The following CWH43 variants were observed in gnomAD, a reference collection of about 807,000 sequenced individuals.
CWH43 encodes cell wall biogenesis 43 C-terminal homolog, also known as PGAP2-interacting protein.
In CWH43, 91 loss-of-function variants were observed where a neutral mutation model predicts 85.7. The ratio of observed to expected loss-of-function variants is 1.06; its 90% confidence interval spans 0.90 to 1.26. The LOEUF (loss-of-function observed/expected upper bound fraction) is 1.26. Among genes scored for constraint, CWH43 ranks in the 50% most tolerant of loss-of-function variants. The pLI, the probability that CWH43 is intolerant of heterozygous loss-of-function variation, is 0.00. For synonymous variants in CWH43, 323 were observed against 293.6 expected (o/e 1.10, Z -1.02); for missense variants, 869 against 839.2 (o/e 1.04, Z -0.44).
At chr4:49,056,195 T>C (rs1353017860) in intron 15 of CWH43, among the ~76,000 whole-genome samples, 1 of 151,460 alleles carries the variant, frequency 6.6e-6, no homozygotes, top group Non-Finnish European at 1.5e-5. Context: ...GATAGTTTAC[T>C]GAGAATGATG....
At chr4:49,037,182 C>T (rs1784287147) in intron 12 of CWH43, among the ~76,000 whole-genome samples, 1 of 152,108 alleles carries the variant, frequency 6.6e-6, no homozygotes, top group South Asian at 2.1e-4. Flanking sequence ...ATGTACCCAC[C>T]TAAGTATCTC....
chr4:48,993,537 G>A (rs1202250845), intron 4 of CWH43, among the ~76,000 whole-genome samples: 2 of 152,160 alleles, frequency 1.3e-5, no homozygotes, highest in African/African-American at 4.8e-5. Flanking sequence ...GGGTCACAAA[G>A]CATCTGCCCA....
intron 6 of CWH43, 48 bp from the exon 7 acceptor site, chr4:49,003,687 C>T (rs1783064244): frequency 6.2e-7 from 1 of 1,604,890 alleles, no homozygotes. Flanking sequence ...TGGTCATCCT[C>T]TAAGCTCGAC....
intron 14 of CWH43, among the ~76,000 whole-genome samples, chr4:49,049,961 G>T (rs1450491205): frequency 6.6e-6 from 1 of 152,156 alleles, no homozygotes. Context: ...TTCCATGAGG[G>T]CAAGGACTTC....
At chr4:49,056,244 C>T (rs1254043503) in intron 15 of CWH43, among the ~76,000 whole-genome samples, 4 of 152,060 alleles carry the variant, frequency 2.6e-5, no homozygotes, top group African/African-American at 4.8e-5. Flanking sequence ...AGGATATGAA[C>T]TCATCATTTT....
At chr4:49,005,320 T>C (rs1783120352) in intron 7 of CWH43, among the ~76,000 whole-genome samples, 1 of 152,124 alleles carries the variant, frequency 6.6e-6, no homozygotes, top group Non-Finnish European at 1.5e-5. Flanking sequence ...GGGTACATTG[T>C]ATCCATTAAT....
At chr4:48,993,766 G>C (rs1322520999) in intron 4 of CWH43, among the ~76,000 whole-genome samples, 2 of 152,026 alleles carry the variant, frequency 1.3e-5, no homozygotes, top group Non-Finnish European at 1.5e-5. Flanking sequence ...CTGTTTTCTT[G>C]TTTTTGAGAT....
intron 11 of CWH43, among the ~76,000 whole-genome samples, chr4:49,032,290 G>C (rs1373463138): frequency 6.6e-6 from 1 of 152,134 alleles, no homozygotes; most frequent in Non-Finnish European, 1.5e-5. Context: ...AAATACAATG[G>C]GTTTTTTGTA....
chr4:49,039,392 T>TATAC (rs1784381687), intron 13 of CWH43, among the ~76,000 whole-genome samples: 2 of 96,436 alleles, frequency 2.1e-5, no homozygotes, highest in African/African-American at 3.7e-5. Context: ...GATATATATA[T>TATAC]ACACACTGAT....
chr4:49,007,323 C>T lies in CWH43; in HGVS notation c.1183C>T (p.Leu395Phe). 1 of 1,588,644 alleles carries T rather than the reference C, an allele frequency of 6.3e-7. No homozygotes were observed. Among genetic ancestry groups the T allele is most frequent in the Non-Finnish European group, 8.5e-7 (1 of 1,170,746 alleles). ...CAGAAAGAGTGAAAAATACATGAAA[C>T]TTTGTAAGTATAGTTTTACATTCTT... ...LFRKSEKYMK[L>F]FLWLLVGVGL... The change falls in exon 8 of 16, where the codon CTT becomes TTT. Residue 395 changes from leucine to phenylalanine, a missense_variant. Leu to Phe is a conservative substitution (Grantham distance 22). This residue lies in a region of CWH43 where 577 missense variants were observed against 513.1 expected (regional missense o/e 1.12). Transcript: ENST00000226432.
At chr4:49,048,597 T>C (rs1184342980) in intron 14 of CWH43, among the ~76,000 whole-genome samples, 1 of 151,998 alleles carries the variant, frequency 6.6e-6, no homozygotes, top group Non-Finnish European at 1.5e-5. Context: ...TGCCGATAAC[T>C]GCCTTCTTGC....
At chr4:49,045,461 A>G (rs1784594693) in intron 14 of CWH43, among the ~76,000 whole-genome samples, 1 of 152,206 alleles carries the variant, frequency 6.6e-6, no homozygotes. Flanking sequence ...CCACATCTAC[A>G]ATGGTAGTTG....
Position 49,017,295 on chromosome 4 carries a change from G to T in CWH43, c.1233G>T (p.Arg411=). ...VGVGLLGLGL[R]HKAYERKLGK... ...TGGGATTGTTGGGATTAGGACTACG[G>T]CATAAAGCCTATGAGAGAAAACTGG... is the stretch of plus-strand genomic sequence containing the variant. Residue 411 remains arginine (R), a synonymous_variant, in exon 9 of 16, where the codon CGG becomes CGT. Transcript: ENST00000226432. The T allele has an allele frequency of 6.2e-7, 1 of 1,612,170 alleles. No individual in the cohort carries two copies. Among genetic ancestry groups the T allele is most frequent in the Non-Finnish European group, 8.5e-7 (1 of 1,178,884 alleles).
At chr4:48,991,367 G>A in intron 2 of CWH43, 87 bp from the exon 3 acceptor site, 2 of 1,403,180 alleles carry the variant, frequency 1.4e-6, no homozygotes, top group East Asian at 2.3e-5. Flanking sequence ...TATAAAGATG[G>A]TATCAGATAA....
At chr4:48,994,558 A>G in intron 4 of CWH43, 61 bp from the exon 5 acceptor site, 10 of 1,412,432 alleles carry the variant, frequency 7.1e-6, no homozygotes, top group Non-Finnish European at 9.9e-6. Flanking sequence ...AGTCTGCTAA[A>G]TATAGAGCGC....
At position 49,050,861 on chromosome 4, in the gene CWH43, T is replaced by C; in HGVS notation, c.2021+12T>C. The C allele has an allele frequency of 6.2e-7, 1 of 1,603,154 alleles. No homozygotes were observed. Among genetic ancestry groups the C allele is most frequent in the African/African-American group, 1.3e-5 (1 of 74,640 alleles). The stretch of plus-strand genomic sequence containing the variant: ...CATTTTAATCCCAGGTGAGTTCCTT[T>C]ATGCTGTAGTTCCAGTTATGAGCTA... On this transcript the variant is annotated intron_variant, in intron 15 of 15. Coordinates refer to ENST00000226432, the MANE Select transcript of CWH43 (RefSeq NM_025087.3).
At position 48,986,417 on chromosome 4, in the gene CWH43, C is replaced by G. The variant is rs770684695; in HGVS notation, c.-13C>G. 7.2e-5 allele frequency: 111 copies of G among 1,542,896 alleles called. No homozygotes were observed. Among genetic ancestry groups the G allele is most frequent in the Non-Finnish European group, 9.6e-5 (109 of 1,139,658 alleles). On this transcript the variant is annotated 5_prime_UTR_variant, in exon 1 of 16. Coordinates refer to ENST00000226432, the MANE Select transcript of CWH43 (RefSeq NM_025087.3). ...CACGGCTTTCCTGGAAAGCGCTGCC[C>G]CTCGCCGCGGCGATGCCCTCGCTGT... is the stretch of plus-strand genomic sequence containing the variant.
chr4:49,045,452 C>T, intron 14 of CWH43, among the ~76,000 whole-genome samples: 1 of 152,004 alleles, frequency 6.6e-6, no homozygotes. Context: ...AATAACAGAC[C>T]ACATCTACAA....
chr4:49,052,933 C>A (rs1784844095), intron 15 of CWH43, among the ~76,000 whole-genome samples: 1 of 152,132 alleles, frequency 6.6e-6, no homozygotes, highest in Non-Finnish European at 1.5e-5. Context: ...TCACCAACAT[C>A]TTCTCAACCC....
Sources: allele counts gnomAD v4.1 joint callset (sites outside exome capture counted in the v4.1 genomes callset), GRCh38; gene constraint gnomAD v4.1.1; regional missense constraint gnomAD v4.1.1; transcripts MANE v1.5; gene names NCBI Gene and HGNC (gene_info 2026-07-23, HGNC 2026-07-21).